MEI4: variants seen among roughly 807,000 people sequenced by gnomAD.
MEI4 encodes the protein meiotic double-stranded break formation protein 4.
Under a neutral mutation model 31.4 loss-of-function variants are expected in MEI4, and 27 were observed. The ratio of observed to expected loss-of-function variants is 0.86; its 90% confidence interval spans 0.63 to 1.19. The LOEUF (loss-of-function observed/expected upper bound fraction) is 1.19. MEI4 is among the 50% of genes most tolerant of loss of function. The pLI is 0.00. For synonymous variants in MEI4, 122 were observed against 145.4 expected (o/e 0.84, Z 1.16); for missense variants, 329 against 398.9 (o/e 0.82, Z 1.49).
At position 77,806,374 on chromosome 6, in the gene MEI4, C is replaced by G. The variant is rs149394034; in HGVS notation, c.769-22557C>G. Among the ~76,000 whole-genome samples the G allele has an allele frequency of 1.0e-3, 159 of 152,014 alleles. 2 individuals carry two copies. The East Asian group carries it at 0.03, about 28-fold the overall frequency. On this transcript the variant is annotated intron_variant, in intron 3 of 4. Coordinates refer to ENST00000684080, the MANE Select transcript of MEI4 (RefSeq NM_001322247.2). ...GTACCTAGAAATGCCCTTGATAAACCCTTTGGTTACAGGTTAGCACATGCA... is the reference window on the plus strand; with the variant it reads ...GTACCTAGAAATGCCCTTGATAAACGCTTTGGTTACAGGTTAGCACATGCA...
intron 2 of MEI4, among the ~76,000 whole-genome samples, chr6:77,730,324 C>T (rs1156381578): frequency 6.6e-6 from 1 of 152,090 alleles, no homozygotes. Flanking sequence ...ATTGTATCAC[C>T]ATGACTTTGA....
chr6:77,726,973 T>G (rs114031333), intron 2 of MEI4, among the ~76,000 whole-genome samples: 1 of 152,362 alleles, frequency 6.6e-6, no homozygotes, highest in African/African-American at 2.4e-5. Context: ...AATTACTTTG[T>G]TCTTTATAAG....
At chr6:77,701,878 G>A (rs1193412484) in intron 2 of MEI4, among the ~76,000 whole-genome samples, 1 of 152,100 alleles carries the variant, frequency 6.6e-6, no homozygotes, top group African/African-American at 2.4e-5. Flanking sequence ...GTTGAACTGA[G>A]TTTTAAGTTT....
At chr6:77,856,503 G>A (rs1770748684) in intron 4 of MEI4, among the ~76,000 whole-genome samples, 2 of 152,042 alleles carry the variant, frequency 1.3e-5, no homozygotes, top group African/African-American at 2.4e-5. Context: ...ACAGTTTGAT[G>A]AATTGAGAAA....
At chr6:77,814,183 G>T (rs866681919) in intron 3 of MEI4, among the ~76,000 whole-genome samples, 2 of 152,068 alleles carry the variant, frequency 1.3e-5, no homozygotes, top group South Asian at 4.2e-4. Context: ...AGGAGATTTT[G>T]ATATAGGGTT....
intron 2 of MEI4, among the ~76,000 whole-genome samples, chr6:77,705,238 G>C (rs1766306867): frequency 6.6e-6 from 1 of 152,020 alleles, no homozygotes. Context: ...GAGACATTTT[G>C]GGTAGGAAAT....
chr6:77,908,469 A>G (rs1287485332), intron 4 of MEI4, among the ~76,000 whole-genome samples: 1 of 151,974 alleles, frequency 6.6e-6, no homozygotes, highest in Non-Finnish European at 1.5e-5. Context: ...GATATGCGGC[A>G]TTATTTCTGA....
At chr6:77,734,891 T>C (rs988730958) in intron 2 of MEI4, among the ~76,000 whole-genome samples, 2 of 151,918 alleles carry the variant, frequency 1.3e-5, no homozygotes, top group Non-Finnish European at 1.5e-5. Context: ...CCTTCACTTA[T>C]GAAGCTTAGT....
chr6:77,803,286 C>T lies in MEI4; in HGVS notation c.769-25645C>T, dbSNP rs149569567. Among the ~76,000 whole-genome samples, 1,428 of 152,282 alleles carry T rather than the reference C, an allele frequency of 9.4e-3. 18 individuals carry two copies. The highest frequency in any genetic ancestry group is 0.031 in the African/African-American group (1,304 of 41,564). ...AATCGGCTACTGAGGCTTGTGCATT[C>T]GTCACATAGCTCTCATGCCATGGTT... On this transcript the variant is annotated intron_variant, in intron 3 of 4. Coordinates refer to ENST00000684080, the MANE Select transcript of MEI4 (RefSeq NM_001322247.2).
intron 2 of MEI4, among the ~76,000 whole-genome samples, chr6:77,708,904 C>T (rs530891001): frequency 6.6e-6 from 1 of 152,118 alleles, no homozygotes; most frequent in South Asian, 2.1e-4. Flanking sequence ...GAAACATGAG[C>T]CAAATAAACT....
intron 4 of MEI4, among the ~76,000 whole-genome samples, chr6:77,914,652 G>A (rs1012435771): frequency 7.2e-5 from 11 of 152,122 alleles, no homozygotes; most frequent in Middle Eastern, 3.4e-3. Flanking sequence ...TAGATAATCC[G>A]TCTAATGCTT....
chr6:77,762,511 T>C (rs1768068151), intron 3 of MEI4, among the ~76,000 whole-genome samples: 1 of 152,188 alleles, frequency 6.6e-6, no homozygotes, highest in Non-Finnish European at 1.5e-5. Context: ...AACTAAAAGG[T>C]CTATCTAACT....
intron 2 of MEI4, among the ~76,000 whole-genome samples, chr6:77,744,723 G>C (rs551043074): frequency 6.6e-6 from 1 of 152,180 alleles, no homozygotes; most frequent in African/African-American, 2.4e-5. Flanking sequence ...CAGAGAGAAA[G>C]GTATGGTTAC....
intron 2 of MEI4, among the ~76,000 whole-genome samples, chr6:77,755,865 C>G (rs1379400525): frequency 4.6e-5 from 6 of 131,752 alleles, no homozygotes; most frequent in Admixed American, 1.5e-4. Flanking sequence ...TATTTTACCT[C>G]TATTAAATCT....
intron 2 of MEI4, among the ~76,000 whole-genome samples, chr6:77,734,172 C>T (rs1052573671): frequency 1.3e-5 from 2 of 151,884 alleles, no homozygotes; most frequent in Admixed American, 6.6e-5. Flanking sequence ...AGTTCAATTC[C>T]TGGGTATCCT....
At chr6:77,677,803 A>G (rs1768872103) in intron 1 of MEI4, among the ~76,000 whole-genome samples, 1 of 152,244 alleles carries the variant, frequency 6.6e-6, no homozygotes. Context: ...TGTTTTTATT[A>G]TAAGAATATC....
At chr6:77,766,868 A>G (rs1385127210) in intron 3 of MEI4, among the ~76,000 whole-genome samples, 1 of 152,074 alleles carries the variant, frequency 6.6e-6, no homozygotes, top group Non-Finnish European at 1.5e-5. Flanking sequence ...TGTTTGTTGT[A>G]TGTTTCTCTG....
At chr6:77,784,407 C>T (rs772884020) in intron 3 of MEI4, among the ~76,000 whole-genome samples, 18 of 152,208 alleles carry the variant, frequency 1.2e-4, no homozygotes, top group Middle Eastern at 3.4e-3. Flanking sequence ...CTAGCTGTTT[C>T]GGCAAATGTT....
chr6:77,753,004 G>T (rs185859911), intron 2 of MEI4, among the ~76,000 whole-genome samples: 1 of 152,132 alleles, frequency 6.6e-6, no homozygotes, highest in Non-Finnish European at 1.5e-5. Flanking sequence ...AATGGGGAAA[G>T]GATTCCCTAT....
Sources: gnomAD v4.1 joint callset for allele counts (sites outside exome capture counted in the v4.1 genomes callset) on GRCh38, gnomAD v4.1.1 for gene constraint, MANE v1.5 for transcripts, NCBI Gene and HGNC (gene_info 2026-07-23, HGNC 2026-07-21) for gene names.